NUDT3: variants seen among roughly 807,000 people sequenced by gnomAD.
NUDT3 encodes diphosphoinositol polyphosphate phosphohydrolase 1.
Under a neutral mutation model 23.6 loss-of-function variants are expected in NUDT3, and 9 were observed. The ratio of observed to expected loss-of-function variants is 0.38; its 90% CI spans 0.23 to 0.66. The LOEUF is 0.66. NUDT3 is among the 30% of genes least tolerant of loss of function. The pLI is 0.52. For missense variants in NUDT3, 172 were observed against 218.5 expected, an observed-to-expected ratio of 0.79 and a Z score of 1.34; for synonymous variants, 86 against 82.6, an observed-to-expected ratio of 1.04 and a Z score of -0.22.
intron 2 of NUDT3, among the ~76,000 whole-genome samples, chr6:34,318,883 CATAA>C (rs1763899125): frequency 6.6e-6 from 1 of 152,008 alleles, no homozygotes; most frequent in Non-Finnish European, 1.5e-5. Context: ...TCTTTGTGCT[CATAA>C]ATAAGCACTT....
intron 1 of NUDT3, among the ~76,000 whole-genome samples, chr6:34,364,855 A>C (rs1764702551): frequency 6.6e-6 from 1 of 151,526 alleles, no homozygotes; most frequent in Admixed American, 6.6e-5. Flanking sequence ...CCCCATCTCT[A>C]CTAAAAATAA....
chr6:34,354,638 T>G (rs1469804098), intron 1 of NUDT3, among the ~76,000 whole-genome samples: 2 of 150,222 alleles, frequency 1.3e-5, no homozygotes, highest in Non-Finnish European at 3.0e-5. Context: ...CAGGAGAATT[T>G]CTTGAACCCG....
intron 1 of NUDT3, among the ~76,000 whole-genome samples, chr6:34,385,147 G>C (rs1256514418): frequency 6.6e-6 from 1 of 151,710 alleles, no homozygotes; most frequent in African/African-American, 2.4e-5. Context: ...TGTGCAAAGA[G>C]GAAGCAAATG....
chr6:34,391,793 G>A (rs1765205145), intron 1 of NUDT3, among the ~76,000 whole-genome samples: 1 of 116,066 alleles, frequency 8.6e-6, no homozygotes, highest in Admixed American at 1.3e-4. Flanking sequence ...ATAATCCCTC[G>A]GCAAACCCCA....
chr6:34,365,597 C>G (rs1764715110), intron 1 of NUDT3, among the ~76,000 whole-genome samples: 1 of 151,958 alleles, frequency 6.6e-6, no homozygotes, highest in African/African-American at 2.4e-5. Flanking sequence ...TATGAGATAC[C>G]TGGAGTAGTC....
intron 2 of NUDT3, among the ~76,000 whole-genome samples, chr6:34,307,016 G>A (rs1293286684): frequency 2.0e-5 from 3 of 152,180 alleles, no homozygotes; most frequent in African/African-American, 7.2e-5. Context: ...CGCAATTTGT[G>A]AAGAGGAGTC....
chr6:34,383,722 A>G lies in NUDT3; in HGVS notation c.99+8542T>C, dbSNP rs530493478. ...TATTGAGAAATGAGAATTAAAGCAG[A>G]AACAAAGAAGTAGGATTGGGGCAAA... On this transcript the variant is annotated intron_variant, in intron 1 of 4. Transcript: ENST00000607016. 4.6e-5 allele frequency among the ~76,000 whole-genome samples: 7 copies of G among 152,342 alleles called. No individual in the cohort carries two copies. The East Asian group carries it at 1.4e-3, about 29-fold the overall frequency.
chr6:34,303,955 A>G (rs1276396359), intron 2 of NUDT3, among the ~76,000 whole-genome samples: 1 of 152,158 alleles, frequency 6.6e-6, no homozygotes, highest in Non-Finnish European at 1.5e-5. Flanking sequence ...GGCCCTTTAT[A>G]GAAAGTCTGC....
chr6:34,374,948 C>G (rs538407766), intron 1 of NUDT3, among the ~76,000 whole-genome samples: 21 of 152,320 alleles, frequency 1.4e-4, no homozygotes, highest in African/African-American at 5.1e-4. Context: ...GACATCTCTA[C>G]CGTTCTCTTT....
intron 2 of NUDT3, among the ~76,000 whole-genome samples, chr6:34,308,283 C>T (rs1282910936): frequency 6.6e-6 from 1 of 151,334 alleles, no homozygotes; most frequent in Admixed American, 6.6e-5. Flanking sequence ...CATAGGGACA[C>T]CCTCTCTCTA....
Position 34,287,730 on chromosome 6 carries a change from T to C in NUDT3, c.*1023A>G, listed in dbSNP as rs1236397829. ...CCAGGTCAGCACGGTGTAAGGCATATATGGACACAAAGAGAGGCCATTGTT... is the reference window on the plus strand; with the variant it reads ...CCAGGTCAGCACGGTGTAAGGCATACATGGACACAAAGAGAGGCCATTGTT... On this transcript the variant is annotated 3_prime_UTR_variant, in exon 5 of 5. Transcript: ENST00000607016. The C allele has an allele frequency of 1.3e-5, 2 of 152,246 alleles. No homozygotes were observed. The highest frequency in any genetic ancestry group is 4.8e-5 in the African/African-American group (2 of 41,462). The allele number at this position is 152,246 out of a possible 1,614,324, so 9.4% of individuals were successfully genotyped here.
At chr6:34,385,725 C>T (rs1361276210) in intron 1 of NUDT3, among the ~76,000 whole-genome samples, 1 of 151,452 alleles carries the variant, frequency 6.6e-6, no homozygotes, top group Non-Finnish European at 1.5e-5. Context: ...ACTCTGTCAC[C>T]TAGGCTGGAG....
chr6:34,333,897 G>C (rs1381865302), intron 2 of NUDT3, among the ~76,000 whole-genome samples: 6 of 152,228 alleles, frequency 3.9e-5, no homozygotes, highest in African/African-American at 1.4e-4. Flanking sequence ...TCCTCTCTTA[G>C]GAAGGCTGAA....
intron 1 of NUDT3, among the ~76,000 whole-genome samples, chr6:34,354,726 G>C (rs867638851): frequency 2.4e-5 from 3 of 126,808 alleles, no homozygotes; most frequent in Non-Finnish European, 5.4e-5. Flanking sequence ...CTATCTCGGG[G>C]GGGAAAAAGT....
intron 2 of NUDT3, among the ~76,000 whole-genome samples, chr6:34,323,111 G>T (rs1263670529): frequency 6.6e-6 from 1 of 152,080 alleles, no homozygotes; most frequent in East Asian, 1.9e-4. Flanking sequence ...GTGGGGAGGG[G>T]GGAAGTTGAA....
chr6:34,327,528 C>CA (rs60757572), intron 2 of NUDT3, among the ~76,000 whole-genome samples: 14,188 of 93,952 alleles, frequency 0.15, 1,363 homozygotes, highest in East Asian at 0.5. Context: ...GACTCCGCCT[C>CA]AAAAAAAAAA....
At chr6:34,306,625 TCC>T (rs1436591915) in intron 2 of NUDT3, among the ~76,000 whole-genome samples, 4 of 152,244 alleles carry the variant, frequency 2.6e-5, no homozygotes, top group Non-Finnish European at 5.9e-5. Flanking sequence ...CTGGCTCCTG[TCC>T]CAGTAATTCC....
chr6:34,340,681 A>T (rs1764274473), intron 2 of NUDT3, among the ~76,000 whole-genome samples: 1 of 152,188 alleles, frequency 6.6e-6, no homozygotes, highest in Admixed American at 6.5e-5. Flanking sequence ...CATTTAGGGT[A>T]TTTCTTCAGC....
At position 34,285,567 on chromosome 6, in the gene NUDT3, G is replaced by GA. The variant is rs1763325023; in HGVS notation, c.*3185dup. On this transcript the variant is annotated 3_prime_UTR_variant, in exon 5 of 5. Coordinates refer to ENST00000607016, the MANE Select transcript of NUDT3 (RefSeq NM_006703.4). ...ATAGGAACCTGTTTCTATCAAGCCT[G>GA]AATGAGGTCAGCTCTGGTAGAATTA... 1 of 152,206 alleles carries GA rather than the reference G, an allele frequency of 6.6e-6. No individual in the cohort carries two copies. Among genetic ancestry groups the GA allele is most frequent in the Admixed American group, 6.5e-5 (1 of 15,280 alleles). The allele number at this position is 152,206 out of a possible 1,614,324, so 9.4% of individuals were successfully genotyped here.
Sources: allele counts gnomAD v4.1 joint callset (sites outside exome capture counted in the v4.1 genomes callset), GRCh38; gene constraint gnomAD v4.1.1; transcripts MANE v1.5; gene names NCBI Gene and HGNC (gene_info 2026-07-23, HGNC 2026-07-21).